The following APCDD1L variants were observed in gnomAD, a reference collection of about 807,000 sequenced individuals.
APCDD1L encodes the protein protein APCDD1-like.
In APCDD1L, 21 loss-of-function variants were observed where a neutral mutation model predicts 24.2. That is an observed-to-expected ratio of 0.87 (90% CI 0.61 to 1.25). The LOEUF (loss-of-function observed/expected upper bound fraction) is 1.25. APCDD1L is among the 50% of genes most tolerant of loss of function. APCDD1L has a pLI of 0.00. For missense variants in APCDD1L, 704 were observed against 711.7 expected (o/e 0.99, Z 0.12); for synonymous variants, 321 against 323.6 (o/e 0.99, Z 0.09).
intron 1 of APCDD1L, among the ~76,000 whole-genome samples, chr20:58,491,714 T>C (rs561393448): frequency 6.6e-6 from 1 of 152,324 alleles, no homozygotes; most frequent in South Asian, 2.1e-4. Flanking sequence ...TCTTATTTTT[T>C]TGGGATCTTG....
Position 58,494,603 on chromosome 20 carries a change from C to T in APCDD1L, c.49+20056G>A, listed in dbSNP as rs200163552. On this transcript the variant is annotated intron_variant, in intron 1 of 3. Coordinates refer to ENST00000371149, the MANE Select transcript of APCDD1L (RefSeq NM_153360.3). This position sits in a 1 kb window ranked among gnomAD's most constrained non-coding sequence, Gnocchi z 4.8. ...ATCCTCTTGCCTCGGCCTCCCAAAG[C>T]GTTGGGATTATAGGTGTGAGCCACT... Among the ~76,000 whole-genome samples the T allele has an allele frequency of 5.9e-5, 9 of 152,152 alleles. No individual in the cohort carries two copies. In the East Asian group the frequency reaches 9.7e-4, roughly 16 times the overall value.
rs1423027779 is a variant in APCDD1L at position 58,461,682 on chromosome 20, T to C, written c.742-128A>G. On this transcript the variant is annotated intron_variant, in intron 3 of 3. Transcript: ENST00000371149. This position sits in a 1 kb window ranked among gnomAD's most constrained non-coding sequence, Gnocchi z 6.0. ...AGGTGCGGCCTGTCCCTCCCTCCTC[T>C]CTCTCCTCACTCCCTGCCTTCAGTC... is the stretch of plus-strand genomic sequence containing the variant. 1.5e-5 allele frequency: 15 copies of C among 968,082 alleles called. No individual in the cohort carries two copies. The East Asian group carries it at 4.6e-4, about 30-fold the overall frequency. The allele number at this position is 968,082 out of a possible 1,614,324, so 60.0% of individuals were successfully genotyped here. A position where few individuals can be genotyped will look rare whatever the true frequency, so the allele number is the denominator to read the frequency against.
intron 1 of APCDD1L, among the ~76,000 whole-genome samples, chr20:58,506,295 C>A (rs1324479866): frequency 6.6e-6 from 1 of 152,226 alleles, no homozygotes; most frequent in South Asian, 2.1e-4. Context: ...GACACCATTT[C>A]TGTCTCTTTC....
intron 1 of APCDD1L, among the ~76,000 whole-genome samples, chr20:58,487,017 A>G (rs559703226): frequency 1.3e-5 from 2 of 152,044 alleles, no homozygotes; most frequent in South Asian, 4.2e-4. Context: ...ACACACTACC[A>G]CGCCTGGCTA....
intron 1 of APCDD1L, among the ~76,000 whole-genome samples, chr20:58,475,831 C>T (rs747005742): frequency 4.6e-5 from 7 of 152,170 alleles, no homozygotes; most frequent in Non-Finnish European, 8.8e-5. Context: ...GGCTGCATCA[C>T]GCTGGTCTCT....
intron 3 of APCDD1L, among the ~76,000 whole-genome samples, chr20:58,463,904 G>GGGC (rs1989662946): frequency 7.8e-6 from 1 of 128,454 alleles, no homozygotes; most frequent in Non-Finnish European, 1.7e-5. Flanking sequence ...TGGGGGGGGG[G>GGGC]GGCGTCACAT....
intron 1 of APCDD1L, among the ~76,000 whole-genome samples, chr20:58,500,572 T>C (rs1438122906): frequency 6.6e-6 from 1 of 152,216 alleles, no homozygotes; most frequent in African/African-American, 2.4e-5. Context: ...TTCTCTCATT[T>C]AATCCTTTTG....
intron 1 of APCDD1L, among the ~76,000 whole-genome samples, chr20:58,512,565 G>A (rs1016694022): frequency 3.3e-5 from 5 of 152,184 alleles, no homozygotes; most frequent in South Asian, 2.1e-4. Context: ...AACCCCTAAC[G>A]TGTGTGTACT....
At chr20:58,463,498 A>G (rs1263397418) in intron 3 of APCDD1L, among the ~76,000 whole-genome samples, 1 of 152,244 alleles carries the variant, frequency 6.6e-6, no homozygotes, top group Non-Finnish European at 1.5e-5. Flanking sequence ...GACGCTAAAA[A>G]GGAATGAGAT....
At chr20:58,504,476 G>C (rs114083676) in intron 1 of APCDD1L, among the ~76,000 whole-genome samples, 386 of 152,272 alleles carry the variant, frequency 2.5e-3, no homozygotes, top group African/African-American at 8.9e-3. Flanking sequence ...GCCCAGTAGC[G>C]TCTATTTCTT....
chr20:58,502,379 G>A (rs1419194182), intron 1 of APCDD1L, among the ~76,000 whole-genome samples: 1 of 152,184 alleles, frequency 6.6e-6, no homozygotes, highest in Non-Finnish European at 1.5e-5. Context: ...GGGATTACAG[G>A]CGTGAGACAC....
Position 58,461,491 on chromosome 20 carries a change from C to T in APCDD1L, c.805G>A (p.Val269Met), listed in dbSNP as rs752591174. ...GGCAGGGCCAGAGGGGGCGGCAGCACGGGCGGGTGGTGCACATCGGAGCGG... is the reference window on the plus strand; with the variant it reads ...GGCAGGGCCAGAGGGGGCGGCAGCATGGGCGGGTGGTGCACATCGGAGCGG... ...IARSDVHHPP[V>M]LPPPLALPLH... is the part of the protein sequence containing the mutation. The change falls in exon 4 of 4, where the codon GTG becomes ATG. Residue 269 changes from valine to methionine, a missense_variant. Coordinates refer to ENST00000371149, the MANE Select transcript of APCDD1L (RefSeq NM_153360.3). The surrounding 1 kb of genome is among the most constrained non-coding windows in gnomAD (Gnocchi z 6.0). 82 of 1,465,346 alleles carry T rather than the reference C, an allele frequency of 5.6e-5. 1 individual carries two copies. The highest frequency in any genetic ancestry group is 9.7e-5 in the East Asian group (4 of 41,256). The allele number at this position is 1,465,346 out of a possible 1,614,324, so 90.8% of individuals were successfully genotyped here.
At chr20:58,476,788 G>T (rs866211960) in intron 1 of APCDD1L, among the ~76,000 whole-genome samples, 5 of 152,290 alleles carry the variant, frequency 3.3e-5, no homozygotes, top group Middle Eastern at 3.4e-3. Flanking sequence ...CCATCCCACC[G>T]TGCTTTTCCA....
At chr20:58,472,073 G>A (rs920990418) in intron 1 of APCDD1L, among the ~76,000 whole-genome samples, 11 of 152,164 alleles carry the variant, frequency 7.2e-5, no homozygotes, top group African/African-American at 1.4e-4. Context: ...CACTGCCCCC[G>A]CGGAGCTGCC....
At chr20:58,463,513 ATTTCTTC>A (rs1234745755) in intron 3 of APCDD1L, among the ~76,000 whole-genome samples, 1 of 152,156 alleles carries the variant, frequency 6.6e-6, no homozygotes, top group Non-Finnish European at 1.5e-5. Flanking sequence ...TGAGATACAG[ATTTCTTC>A]TTTCTTCTTT....
At chr20:58,475,090 A>G (rs6070476) in intron 1 of APCDD1L, among the ~76,000 whole-genome samples, 3,343 of 152,278 alleles carry the variant, frequency 0.022, 51 homozygotes, top group Non-Finnish European at 0.035. Context: ...TGGGGCCACA[A>G]TTTATGTTTT....
At chr20:58,500,341 G>A (rs942040743) in intron 1 of APCDD1L, among the ~76,000 whole-genome samples, 1 of 152,162 alleles carries the variant, frequency 6.6e-6, no homozygotes, top group African/African-American at 2.4e-5. Flanking sequence ...AGCATCTAAT[G>A]AGGGGCATGC....
At chr20:58,507,602 T>C (rs1030790981) in intron 1 of APCDD1L, among the ~76,000 whole-genome samples, 3 of 151,948 alleles carry the variant, frequency 2.0e-5, no homozygotes, top group African/African-American at 7.3e-5. Context: ...TGTTCTCCCC[T>C]CTGGGGAATA....
intron 1 of APCDD1L, among the ~76,000 whole-genome samples, chr20:58,495,589 T>C (rs1328555634): frequency 3.3e-5 from 5 of 151,986 alleles, no homozygotes; most frequent in Admixed American, 2.6e-4. Flanking sequence ...ACCCAACACG[T>C]CTAGGTTGGA....
Sources: allele counts gnomAD v4.1 joint callset (sites outside exome capture counted in the v4.1 genomes callset), GRCh38; gene constraint gnomAD v4.1.1; non-coding constraint Gnocchi (gnomAD v3.1); transcripts MANE v1.5; gene names NCBI Gene and HGNC (gene_info 2026-07-23, HGNC 2026-07-21).